Variants in AMD1 observed in about 807,000 individuals in gnomAD.
AMD1 encodes the protein S-adenosylmethionine decarboxylase proenzyme.
In AMD1, 11 loss-of-function variants were observed where a neutral mutation model predicts 40.2. The observed-to-expected ratio is 0.27, with a 90% CI of 0.17 to 0.45. The LOEUF (loss-of-function observed/expected upper bound fraction) is 0.45, where lower values mean the gene tolerates loss of function less well. Ranked by LOEUF, AMD1 falls within the 20% of genes least tolerant of loss-of-function variation. The pLI, the probability that AMD1 is intolerant of heterozygous loss-of-function variation, is 1.00. For missense variants in AMD1, 257 were observed against 410.2 expected, an observed-to-expected ratio of 0.63 and a Z score of 3.23; for synonymous variants, 121 against 130.8, an observed-to-expected ratio of 0.93 and a Z score of 0.51.
At chr6:110,876,306 G>C (rs1380899883) in intron 1 of AMD1, among the ~76,000 whole-genome samples, 3 of 152,228 alleles carry the variant, frequency 2.0e-5, no homozygotes, top group Admixed American at 6.5e-5. Flanking sequence ...GCTCCTCTGC[G>C]CACGAGTGCG....
chr6:110,829,512 C>CA, the AMD1 span, among the ~76,000 whole-genome samples: 4 of 150,264 alleles, frequency 2.7e-5, 1 homozygote, highest in South Asian at 8.5e-4. Flanking sequence ...ACTAAAAATA[C>CA]AAAAAAATTA....
the AMD1 span, chr6:110,858,270 C>T: frequency 3.1e-6 from 3 of 958,768 alleles, no homozygotes; most frequent in Non-Finnish European, 4.9e-6. Context: ...AAGGACCCCT[C>T]GTACGGGCTG....
At chr6:110,875,455 A>C in intron 1 of AMD1, 1 of 450,664 alleles carries the variant, frequency 2.2e-6, no homozygotes, top group South Asian at 3.4e-5. Flanking sequence ...GGGGGAGGGG[A>C]GGAGGCCGGC....
the AMD1 span, among the ~76,000 whole-genome samples, chr6:110,829,166 G>T: frequency 2.0e-5 from 3 of 151,396 alleles, no homozygotes; most frequent in East Asian, 5.9e-4. Context: ...ACAAAACTCC[G>T]TCTCAAACAA....
chr6:110,833,667 G>GTTTTGTTTTAAAAA, the AMD1 span, among the ~76,000 whole-genome samples: 4 of 152,106 alleles, frequency 2.6e-5, no homozygotes, highest in Non-Finnish European at 5.9e-5. Context: ...TCACATAGTA[G>GTTTTGTTTTAAAAA]ACTAACTCCT....
At chr6:110,867,692 C>A in the AMD1 span, among the ~76,000 whole-genome samples, 3 of 151,718 alleles carry the variant, frequency 2.0e-5, no homozygotes, top group Non-Finnish European at 2.9e-5. Flanking sequence ...AAAGTAAATA[C>A]GAAAGCAGAA....
the AMD1 span, among the ~76,000 whole-genome samples, chr6:110,869,412 G>A: frequency 3.3e-5 from 5 of 152,028 alleles, no homozygotes; most frequent in Non-Finnish European, 7.4e-5. Flanking sequence ...GATTACAGGC[G>A]TGAGCCACCG....
At chr6:110,825,243 ATG>A in the AMD1 span, among the ~76,000 whole-genome samples, 1 of 152,250 alleles carries the variant, frequency 6.6e-6, no homozygotes. Flanking sequence ...AATTATATGA[ATG>A]TGGTCCTCTT....
At chr6:110,849,896 G>A in the AMD1 span, among the ~76,000 whole-genome samples, 5 of 152,092 alleles carry the variant, frequency 3.3e-5, no homozygotes, top group East Asian at 9.7e-4. Context: ...TGGTGCACCT[G>A]TAGTCCCAGC....
At chr6:110,837,310 T>TA in the AMD1 span, among the ~76,000 whole-genome samples, 3,139 of 100,936 alleles carry the variant, frequency 0.031, 88 homozygotes, top group African/African-American at 0.095. Context: ...TATTTAAAAC[T>TA]AAAAAAAAAA....
chr6:110,892,292 T>G lies in AMD1; in HGVS notation c.471-7T>G, dbSNP rs1786068602. On this transcript the variant is annotated splice_polypyrimidine_tract_variant and splice_region_variant and intron_variant, in intron 5 of 8. Transcript: ENST00000368885. Reference sequence around the variant, plus strand: ...ATTTTTAGGAACTATTTTTAATTTTTATTTAGGTACTTATATACTCTGGAT... The same window carrying G: ...ATTTTTAGGAACTATTTTTAATTTTGATTTAGGTACTTATATACTCTGGAT... 6.2e-7 allele frequency: 1 copy of G among 1,613,202 alleles called. No individual in the cohort carries two copies. The highest frequency in any genetic ancestry group is 8.5e-7 in the Non-Finnish European group (1 of 1,179,798).
rs1481710895 is a variant in AMD1, at chr6:110,895,117, CTAAA to C, written c.*1504_*1507del. 1 of 152,158 alleles carries C rather than the reference CTAAA, an allele frequency of 6.6e-6. No individual in the cohort carries two copies. Among genetic ancestry groups the C allele is most frequent in the Non-Finnish European group, 1.5e-5 (1 of 68,022 alleles). The allele number at this position is 152,158 out of a possible 1,614,324, so 9.4% of individuals were successfully genotyped here. On this transcript the variant is annotated 3_prime_UTR_variant, in exon 9 of 9. Transcript: ENST00000368885. ...GACTAAATTTTATATTTCTTGTCCT[CTAAA>C]TATTTTGATAATTTCTGGATTGATG...
intron 1 of AMD1, 33 bp from the exon 2 acceptor site, chr6:110,887,472 T>C: frequency 1.3e-6 from 2 of 1,523,124 alleles, no homozygotes; most frequent in Non-Finnish European, 1.8e-6. Context: ...GGTACTATTG[T>C]GGATTAATCG....
the AMD1 span, among the ~76,000 whole-genome samples, chr6:110,833,976 G>T: frequency 5.1e-3 from 767 of 151,242 alleles, 8 homozygotes; most frequent in African/African-American, 0.017. Flanking sequence ...TTTTTTTTTA[G>T]ACTGTCACCC....
the AMD1 span, among the ~76,000 whole-genome samples, chr6:110,836,659 ATTTG>A: frequency 1.2e-4 from 18 of 151,944 alleles, no homozygotes; most frequent in Admixed American, 1.1e-3. Context: ...TGTTTTGTTT[ATTTG>A]TTTTTTGTTT....
At chr6:110,815,288 C>T in the AMD1 span, 1 of 860,552 alleles carries the variant, frequency 1.2e-6, no homozygotes, top group East Asian at 3.5e-5. Context: ...CGCGGTCCGC[C>T]TTCAGCAAGG....
the AMD1 span, among the ~76,000 whole-genome samples, chr6:110,850,934 C>G: frequency 1.3e-5 from 2 of 152,058 alleles, no homozygotes; most frequent in Non-Finnish European, 2.9e-5. Flanking sequence ...ATCATTATAA[C>G]TAATAAAAGG....
the AMD1 span, among the ~76,000 whole-genome samples, chr6:110,852,200 ATTTTTTTTTTTTTTTTTTTTTT>A: frequency 1.9e-4 from 10 of 51,298 alleles, no homozygotes; most frequent in Admixed American, 9.9e-4. Context: ...CGCCTGGCTA[ATTTTTTTTTTTTTTTTTTTTTT>A]TTTTTTTTTT....
chr6:110,890,188 C>T (rs1379780741), intron 3 of AMD1, 66 bp from the exon 4 acceptor site: 18 of 1,233,292 alleles, frequency 1.5e-5, no homozygotes, highest in Middle Eastern at 2.4e-4. Context: ...TGATTAGCTT[C>T]GAAAAGTGAT....
Sources: gnomAD v4.1 joint callset for allele counts (sites outside exome capture counted in the v4.1 genomes callset) on GRCh38, gnomAD v4.1.1 for gene constraint, MANE v1.5 for transcripts, NCBI Gene and HGNC (gene_info 2026-07-23, HGNC 2026-07-21) for gene names.